The following AMPD3 variants were observed in gnomAD, a reference collection of about 807,000 sequenced individuals.
AMPD3 encodes the protein AMP deaminase 3.
AMPD3 carries 57 observed loss-of-function variants against 82.3 expected under a neutral mutation model. The observed-to-expected ratio is 0.69, with a 90% confidence interval of 0.56 to 0.86. The LOEUF (loss-of-function observed/expected upper bound fraction) is 0.86, where lower values mean the gene tolerates loss of function less well. Among genes scored for constraint, AMPD3 ranks in the 40% least tolerant of loss-of-function variants. The probability of loss-of-function intolerance (pLI) is 0.00; values close to 1 mark genes in which losing one functional copy is unlikely to be tolerated. For synonymous variants in AMPD3, 381 were observed against 394.7 expected (o/e 0.97, Z 0.41); for missense variants, 870 against 1,003.8 (o/e 0.87, Z 1.80).
In AMPD3 at chr11:10,461,598, A is replaced by G. The variant is rs1848272751; in HGVS notation, c.79A>G (p.Lys27Glu). 1.2e-6 allele frequency: 2 copies of G among 1,614,250 alleles called. No individual in the cohort carries two copies. The highest frequency in any genetic ancestry group is 1.1e-5 in the South Asian group (1 of 91,086). The change falls in exon 2 of 15, where the codon AAA becomes GAA. Residue 27 changes from lysine to glutamate, a missense_variant. By Grantham distance (56) the Lys-to-Glu change is moderately conservative (BLOSUM62 1). Coordinates refer to ENST00000396553, the MANE Select transcript of AMPD3 (RefSeq NM_001025389.2). ...GCTCCTGGCGGAGAAGGTGTTTGCTAAAGTGCTCCGAGAAGAGGACAGCAA... is the reference window on the plus strand; with the variant it reads ...GCTCCTGGCGGAGAAGGTGTTTGCTGAAGTGCTCCGAGAAGAGGACAGCAA... ...VRLLAEKVFA[K>E]VLREEDSKDA... is the part of the protein sequence containing the mutation.
In AMPD3 at chr11:10,495,732, T is replaced by C; in HGVS notation, c.1429T>C (p.Tyr477His). 6.2e-7 allele frequency: 1 copy of C among 1,614,062 alleles called. No homozygotes were observed. The highest frequency in any genetic ancestry group is 1.7e-5 in the Admixed American group (1 of 60,024). ...CTGGATCATCCAGGTGCCCCGGATT[T>C]AGTAAGTGAGGTGGCCCGCTGTCTA... ...MRWIIQVPRI[Y>H]DIFRSKKLLP... Residue 477 changes from tyrosine (Y) to histidine (H), a missense_variant and splice_region_variant, in exon 9 of 15, where the codon TAT becomes CAT. Tyr to His is a moderately conservative substitution (Grantham distance 83). Coordinates refer to ENST00000396553, the MANE Select transcript of AMPD3 (RefSeq NM_001025389.2).
chr11:10,479,479 C>T (rs1256157645), intron 3 of AMPD3, among the ~76,000 whole-genome samples: 2 of 152,106 alleles, frequency 1.3e-5, no homozygotes, highest in Non-Finnish European at 2.9e-5. Context: ...ATTGCTCTTC[C>T]TATAAAATTT....
intron 3 of AMPD3, chr11:10,480,046 G>A (rs1848856580): frequency 1.2e-5 from 10 of 826,812 alleles, no homozygotes; most frequent in African/African-American, 9.2e-5. Context: ...TCAGCCTGTA[G>A]CATATAATAG....
chr11:10,504,655 A>C lies in AMPD3; in HGVS notation c.2123A>C (p.His708Pro), dbSNP rs757666658. 9 of 1,613,918 alleles carry C rather than the reference A, an allele frequency of 5.6e-6. No homozygotes were observed. The highest frequency in any genetic ancestry group is 7.6e-6 in the Non-Finnish European group (9 of 1,179,912). ...AGCGTGCTGCAGAGCGGCCTCTCGCATCAGGTATGGAGTGTGACGGTGCTG... is the reference window on the plus strand; with the variant it reads ...AGCGTGCTGCAGAGCGGCCTCTCGCCTCAGGTATGGAGTGTGACGGTGCTG... ...RNSVLQSGLS[H>P]QEKQKFLGQN... is the part of the protein sequence containing the mutation. The change falls in exon 14 of 15, where the codon CAT becomes CCT. Residue 708 changes from histidine (H) to proline (P), a missense_variant. His to Pro is a moderately conservative substitution (Grantham distance 77). Transcript: ENST00000396553.
rs1467765184 is a variant in AMPD3, at chr11:10,507,312, T to C, written c.*1428T>C. Reference sequence around the variant, plus strand: ...TTTGACTTTAGATTGTCTCATCTTGTGACTTTATAATGCCTGTCCCCTCCA... The same window carrying C: ...TTTGACTTTAGATTGTCTCATCTTGCGACTTTATAATGCCTGTCCCCTCCA... On this transcript the variant is annotated 3_prime_UTR_variant, in exon 15 of 15. Coordinates refer to ENST00000396553, the MANE Select transcript of AMPD3 (RefSeq NM_001025389.2). The C allele has an allele frequency of 6.6e-6, 1 of 152,226 alleles. No homozygotes were observed. Among genetic ancestry groups the C allele is most frequent in the Non-Finnish European group, 1.5e-5 (1 of 68,036 alleles). The allele number at this position is 152,226 out of a possible 1,614,324, so 9.4% of individuals were successfully genotyped here.
chr11:10,493,540 C>T lies in AMPD3; in HGVS notation c.1131C>T (p.His377=), dbSNP rs76407515. 1.8e-3 allele frequency: 2,936 copies of T among 1,613,854 alleles called. 49 individuals are homozygous for T. In the African/African-American group the frequency reaches 0.033, roughly 18 times the overall value. The change falls in exon 7 of 15, where the codon CAC becomes CAT. Residue 377 remains histidine, a synonymous_variant. Transcript: ENST00000396553. ...TCACTGTGGACTCACTGGATGTCCA[C>T]GCGGTGAGTGAGCTTCTGCTCCAGT... ...YDLTVDSLDV[H]AGRQTFHRFD... is the part of the protein sequence containing the mutation.
In AMPD3 at chr11:10,504,219, G is replaced by A. The variant is rs917755841; in HGVS notation, c.2017-330G>A. 4.1e-6 allele frequency: 4 copies of A among 985,082 alleles called. No homozygotes were observed. In the African/African-American group the frequency reaches 5.2e-5, roughly 13 times the overall value. The allele number at this position is 985,082 out of a possible 1,614,324, so 61.0% of individuals were successfully genotyped here. On this transcript the variant is annotated intron_variant, in intron 13 of 14. Transcript: ENST00000396553. The stretch of plus-strand genomic sequence containing the variant: ...AGTGTGTTAAAAAGAAAAGCTAGAG[G>A]GCAAGTGCTAAATGTGGCATGACTA...
intron 14 of AMPD3, chr11:10,505,203 C>T (rs1849683607): frequency 8.1e-6 from 8 of 985,246 alleles, no homozygotes; most frequent in South Asian, 4.7e-5. Context: ...TTCTGATGTA[C>T]GTTAGGTCCC....
Position 10,482,105 on chromosome 11 carries a change from A to G in AMPD3, c.469A>G (p.Lys157Glu). Residue 157 changes from lysine (K) to glutamate (E), a missense_variant, in exon 4 of 15, where the codon AAG (lysine) becomes GAG (glutamate). Coordinates refer to ENST00000396553, the MANE Select transcript of AMPD3 (RefSeq NM_001025389.2). ...DYEQAAKSLA[K>E]ALMIREKYAR... Reference sequence around the variant, plus strand: ...TGAGCAGGCAGCCAAGAGTCTGGCCAAGGCCCTAATGATCCGGGAGAAGTA... The same window carrying G: ...TGAGCAGGCAGCCAAGAGTCTGGCCGAGGCCCTAATGATCCGGGAGAAGTA... 6.2e-7 allele frequency: 1 copy of G among 1,614,202 alleles called. No homozygotes were observed. The highest frequency in any genetic ancestry group is 8.5e-7 in the Non-Finnish European group (1 of 1,180,042).
At chr11:10,466,406 G>T (rs1320892172) in intron 2 of AMPD3, among the ~76,000 whole-genome samples, 1 of 152,174 alleles carries the variant, frequency 6.6e-6, no homozygotes, top group African/African-American at 2.4e-5. Flanking sequence ...TACCCTCACA[G>T]TGTAAACAAA....
upstream of AMPD3, among the ~76,000 whole-genome samples, chr11:10,454,476 C>T (rs34972496): frequency 0.018 from 2,696 of 152,238 alleles, 36 homozygotes; most frequent in Middle Eastern, 0.051. Flanking sequence ...ATAAGTGCGT[C>T]GGGTTAAACA....
At chr11:10,481,178 C>T (rs1439760055) in intron 3 of AMPD3, among the ~76,000 whole-genome samples, 1 of 152,156 alleles carries the variant, frequency 6.6e-6, no homozygotes, top group African/African-American at 2.4e-5. Flanking sequence ...AAAGGTCTGG[C>T]ACATAACACA....
intron 2 of AMPD3, among the ~76,000 whole-genome samples, chr11:10,473,955 G>A (rs1848665684): frequency 6.6e-6 from 1 of 152,180 alleles, no homozygotes; most frequent in Admixed American, 6.5e-5. Flanking sequence ...ATGTGGAGGG[G>A]CTGCCAGAAT....
At position 10,456,596 on chromosome 11, in the gene AMPD3, C is replaced by T. The variant is rs919194273; in HGVS notation, c.-6+1148C>T. 62 of 985,418 alleles carry T rather than the reference C, an allele frequency of 6.3e-5. No homozygotes were observed. Among genetic ancestry groups the T allele is most frequent in the African/African-American group, 8.7e-5 (5 of 57,370 alleles). 61.0% of individuals were successfully genotyped at this position (985,418 alleles called of 1,614,324 possible). ...GGACACTTCTTCAAGTTCATCAGAG[C>T]GTGTTGCATGTAACAGTGAGATAAG... On this transcript the variant is annotated intron_variant, in intron 1 of 14. Transcript: ENST00000396553. This position sits in a 1 kb window ranked among gnomAD's most constrained non-coding sequence, Gnocchi z 4.3.
In AMPD3 at chr11:10,487,347, T is replaced by A. The variant is rs1849103457; in HGVS notation, c.922T>A (p.Phe308Ile). The A allele has an allele frequency of 1.9e-6, 3 of 1,614,014 alleles. No individual in the cohort carries two copies. The highest frequency in any genetic ancestry group is 2.5e-6 in the Non-Finnish European group (3 of 1,179,996). ...KELKSNPHRD[F>I]YNVRKVDTHI... The stretch of plus-strand genomic sequence containing the variant: ...GTTGAAGAGTAACCCCCACCGGGAC[T>A]TCTATAACGTGAGAAAGGTGCGTTA... Residue 308 changes from phenylalanine (F) to isoleucine (I), a missense_variant, in exon 6 of 15, where the codon TTC (phenylalanine) becomes ATC (isoleucine). Coordinates refer to ENST00000396553, the MANE Select transcript of AMPD3 (RefSeq NM_001025389.2).
rs754128342 is a variant in AMPD3, at chr11:10,495,600, T to A, written c.1297T>A (p.Tyr433Asn). The A allele has an allele frequency of 6.2e-7, 1 of 1,613,256 alleles. No homozygotes were observed. The highest frequency in any genetic ancestry group is 2.2e-5 in the East Asian group (1 of 44,874). The change falls in exon 9 of 15, where the codon TAC becomes AAC. Residue 433 changes from tyrosine to asparagine, a missense_variant. Transcript: ENST00000396553. ...TGCCCGGGAGCTGGAGGAGAGCAAGTACCAGTACTCAGAGCCACGGCTCTC... is the reference window on the plus strand; with the variant it reads ...TGCCCGGGAGCTGGAGGAGAGCAAGAACCAGTACTCAGAGCCACGGCTCTC... ...EVARELEESK[Y>N]QYSEPRLSIY...
At chr11:10,455,216 G>C (rs1157710170), upstream of AMPD3, 1 of 985,246 alleles carries the variant, frequency 1.0e-6, no homozygotes, top group Non-Finnish European at 1.2e-6. Context: ...AGGACCACAG[G>C]ATTTGCCTAA....
chr11:10,492,536 C>T (rs1849267042), intron 6 of AMPD3, among the ~76,000 whole-genome samples: 1 of 152,140 alleles, frequency 6.6e-6, no homozygotes, highest in Admixed American at 6.5e-5. Flanking sequence ...TTGATGGGCC[C>T]TCAGGGTTAT....
chr11:10,480,017 C>T, intron 3 of AMPD3: 1 of 947,660 alleles, frequency 1.1e-6, no homozygotes, highest in Non-Finnish European at 1.3e-6. Context: ...GGGTCGGCCA[C>T]CAGCTGAATG....
Sources: allele counts gnomAD v4.1 joint callset (sites outside exome capture counted in the v4.1 genomes callset), GRCh38; gene constraint gnomAD v4.1.1; non-coding constraint Gnocchi (gnomAD v3.1); transcripts MANE v1.5; gene names NCBI Gene and HGNC (gene_info 2026-07-23, HGNC 2026-07-21).